SLC24A4: variants seen among roughly 807,000 people sequenced by gnomAD.
SLC24A4 encodes the protein sodium/potassium/calcium exchanger 4.
In SLC24A4, 53 loss-of-function variants were observed where a neutral mutation model predicts 79.0. That is an observed-to-expected ratio of 0.67 (90% CI 0.54 to 0.84). The LOEUF (loss-of-function observed/expected upper bound fraction) is 0.84. SLC24A4 is among the 40% of genes least tolerant of loss of function. SLC24A4 has a pLI of 0.00. For missense variants in SLC24A4, 731 were observed against 822.0 expected, an observed-to-expected ratio of 0.89 and a Z score of 1.35; for synonymous variants, 323 against 323.8, an observed-to-expected ratio of 1.00 and a Z score of 0.03.
intron 12 of SLC24A4, among the ~76,000 whole-genome samples, chr14:92,482,225 A>T (rs12880521): frequency 3.6e-4 from 55 of 152,256 alleles, no homozygotes; most frequent in South Asian, 1.0e-3. Flanking sequence ...CTGTGCCTGC[A>T]GCACATGGCA....
At chr14:92,404,116 C>A (rs1013273140) in intron 2 of SLC24A4, among the ~76,000 whole-genome samples, 2 of 152,070 alleles carry the variant, frequency 1.3e-5, no homozygotes, top group South Asian at 2.1e-4. Context: ...GCATACATAA[C>A]CTCACCTCCC....
At chr14:92,403,334 G>A (rs376218248) in intron 2 of SLC24A4, among the ~76,000 whole-genome samples, 4 of 150,792 alleles carry the variant, frequency 2.7e-5, no homozygotes, top group Admixed American at 6.6e-5. Flanking sequence ...CTGGCCAGGC[G>A]TGGTGGTTCA....
At chr14:92,379,190 C>G (rs1031776994) in intron 2 of SLC24A4, among the ~76,000 whole-genome samples, 1 of 152,172 alleles carries the variant, frequency 6.6e-6, no homozygotes, top group African/African-American at 2.4e-5. Flanking sequence ...GGAAATCTCT[C>G]TGGTTTAGTG....
intron 2 of SLC24A4, among the ~76,000 whole-genome samples, chr14:92,363,527 C>T (rs2141671175): frequency 6.6e-6 from 1 of 152,366 alleles, no homozygotes; most frequent in African/African-American, 2.4e-5. Context: ...GATTGACCTT[C>T]TGAAAGGTCT....
At chr14:92,470,781 T>C (rs1489163414) in intron 12 of SLC24A4, among the ~76,000 whole-genome samples, 1 of 152,152 alleles carries the variant, frequency 6.6e-6, no homozygotes. Context: ...CCCCCAAAAC[T>C]CTATTATTTC....
chr14:92,452,996 AG>A (rs1322919685), intron 10 of SLC24A4: 1 of 152,214 alleles, frequency 6.6e-6, no homozygotes, highest in Non-Finnish European at 1.5e-5. Context: ...AGCCCTTTGG[AG>A]GGGAACACTC....
In SLC24A4 at chr14:92,411,940, AC is replaced by A. The variant is rs200017726; in HGVS notation, c.242-21971del. Among the ~76,000 whole-genome samples the A allele has an allele frequency of 3.2e-3, 485 of 151,188 alleles. 2 individuals are homozygous for A. Among genetic ancestry groups the A allele is most frequent in the African/African-American group, 0.011 (448 of 41,272 alleles). ...ACTTCTGGTTGCAAGTGACCAAAAA[AC>A]AAAACAAAACAAAAAAACCCTGGAC... On this transcript the variant is annotated intron_variant, in intron 2 of 16. Coordinates refer to ENST00000532405, the MANE Select transcript of SLC24A4 (RefSeq NM_153646.4).
rs550394164 is a variant in SLC24A4, at chr14:92,350,259, A to G, written c.241+24281A>G. On this transcript the variant is annotated intron_variant, in intron 2 of 16. Coordinates refer to ENST00000532405, the MANE Select transcript of SLC24A4 (RefSeq NM_153646.4). The stretch of plus-strand genomic sequence containing the variant: ...CCAGCTGCCCCTCAGCAACCTTGCC[A>G]CCAGGTTATAAAGAAAGTAAGTAGC... 9.2e-5 allele frequency among the ~76,000 whole-genome samples: 14 copies of G among 152,280 alleles called. No individual in the cohort carries two copies. The South Asian group carries it at 2.9e-3, about 32-fold the overall frequency.
intron 2 of SLC24A4, among the ~76,000 whole-genome samples, chr14:92,400,212 G>A (rs536029140): frequency 7.2e-5 from 11 of 152,212 alleles, no homozygotes; most frequent in East Asian, 3.9e-4. Flanking sequence ...AGGCCAAGGC[G>A]GGCAGATCAC....
chr14:92,479,522 T>C (rs1474030866), intron 12 of SLC24A4, among the ~76,000 whole-genome samples: 3 of 152,260 alleles, frequency 2.0e-5, no homozygotes, highest in Non-Finnish European at 2.9e-5. Context: ...GAATTGTATA[T>C]GTTAAATCAA....
intron 2 of SLC24A4, among the ~76,000 whole-genome samples, chr14:92,340,741 G>C (rs904541485): frequency 1.3e-5 from 2 of 152,178 alleles, no homozygotes; most frequent in Admixed American, 6.5e-5. Flanking sequence ...CAACCGAGAG[G>C]GGGCACGGAT....
intron 2 of SLC24A4, among the ~76,000 whole-genome samples, chr14:92,397,045 C>T (rs1186954190): frequency 6.6e-6 from 1 of 152,184 alleles, no homozygotes; most frequent in Non-Finnish European, 1.5e-5. Context: ...TGTACATTTT[C>T]TTCTATTTAT....
rs761242671 is a variant in SLC24A4, at chr14:92,456,607, G to A, written c.1254G>A (p.Pro418=). 3.2e-5 allele frequency: 52 copies of A among 1,612,888 alleles called. 1 individual carries two copies. The South Asian group carries it at 3.3e-4, about 10-fold the overall frequency. ...EADFLSPFSV[P]EARGDKVKWV... ...ACTTCCTGTCCCCCTTCTCCGTGCC[G>A]GGTGAGTTCTGGGGGTACTGGACTC... is the stretch of plus-strand genomic sequence containing the variant. Residue 418 remains proline (P), a splice_region_variant and synonymous_variant, in exon 12 of 17, where the codon CCG becomes CCA. Coordinates refer to ENST00000532405, the MANE Select transcript of SLC24A4 (RefSeq NM_153646.4).
At chr14:92,371,095 G>T (rs901011253) in intron 2 of SLC24A4, among the ~76,000 whole-genome samples, 2 of 152,022 alleles carry the variant, frequency 1.3e-5, no homozygotes, top group African/African-American at 4.8e-5. Context: ...AGCAGCTCGA[G>T]AAATTACTTC....
In SLC24A4 at chr14:92,496,236, T is replaced by C. The variant is rs1476170880; in HGVS notation, c.*2608T>C. 6.5e-6 allele frequency: 1 copy of C among 152,702 alleles called. No homozygotes were observed. The highest frequency in any genetic ancestry group is 1.5e-5 in the Non-Finnish European group (1 of 68,058). The allele number at this position is 152,702 out of a possible 1,614,324, so 9.5% of individuals were successfully genotyped here. A position where few individuals can be genotyped will look rare whatever the true frequency, so the allele number is the denominator to read the frequency against. On this transcript the variant is annotated 3_prime_UTR_variant, in exon 17 of 17. Coordinates refer to ENST00000532405, the MANE Select transcript of SLC24A4 (RefSeq NM_153646.4). ...TTCCTTTAAAGGATCTATGCATTTA[T>C]TAAATCTGGAAAACTATATGTACAC... is the stretch of plus-strand genomic sequence containing the variant.
intron 2 of SLC24A4, among the ~76,000 whole-genome samples, chr14:92,351,236 G>GCGCGCACA (rs112120101): frequency 6.8e-6 from 1 of 146,986 alleles, no homozygotes; most frequent in African/African-American, 2.5e-5. Flanking sequence ...ACACATACAC[G>GCGCGCACA]CACACACACA....
intron 2 of SLC24A4, among the ~76,000 whole-genome samples, chr14:92,341,898 T>C (rs924552275): frequency 6.6e-6 from 1 of 152,214 alleles, no homozygotes; most frequent in African/African-American, 2.4e-5. Flanking sequence ...AAAGAATTGC[T>C]TTGAAATCCC....
chr14:92,486,825 CT>C (rs1817307050), intron 14 of SLC24A4, 45 bp downstream of exon 14: 1 of 1,414,382 alleles, frequency 7.1e-7, no homozygotes. Flanking sequence ...GTGCAGGCCA[CT>C]GTGTCCTCGT....
At chr14:92,433,457 T>A (rs1891985784) in intron 2 of SLC24A4, among the ~76,000 whole-genome samples, 1 of 152,214 alleles carries the variant, frequency 6.6e-6, no homozygotes, top group Non-Finnish European at 1.5e-5. Context: ...CTCTTGGGTC[T>A]ATACTTGCGA....
Sources: gnomAD v4.1 joint callset for allele counts (sites outside exome capture counted in the v4.1 genomes callset) on GRCh38, gnomAD v4.1.1 for gene constraint, MANE v1.5 for transcripts, NCBI Gene and HGNC (gene_info 2026-07-23, HGNC 2026-07-21) for gene names.